MROH1: variants seen among roughly 807,000 people sequenced by gnomAD.
MROH1 encodes the protein maestro heat-like repeat-containing protein family member 1.
MROH1 carries 117 observed loss-of-function variants against 116.5 expected under a neutral mutation model. The observed-to-expected ratio is 1.00, with a 90% CI of 0.86 to 1.17. The LOEUF (loss-of-function observed/expected upper bound fraction) is 1.17. Ranked by LOEUF, MROH1 falls within the 50% of genes most tolerant of loss-of-function variation. MROH1 has a pLI of 0.00. For synonymous variants in MROH1, 921 were observed against 583.9 expected, an observed-to-expected ratio of 1.58 and a Z score of -8.32; for missense variants, 1,873 against 1,338.5, an observed-to-expected ratio of 1.40 and a Z score of -6.23.
At position 144,213,138 on chromosome 8, in the gene MROH1, C is replaced by A. The variant is rs187094089; in HGVS notation, c.1142-7462C>A. 2.5e-5 allele frequency: 19 copies of A among 764,082 alleles called. No individual in the cohort carries two copies. The East Asian group carries it at 4.4e-4, about 18-fold the overall frequency. 47.3% of individuals were successfully genotyped at this position (764,082 alleles called of 1,614,324 possible). ...GTTGCTTGAGTCACCACGGCTGTTA[C>A]ATCCCGTGCTCTCCCTTCTCTGCCT... On this transcript the variant is annotated intron_variant, in intron 12 of 43. Transcript: ENST00000326134.
chr8:144,248,098 A>G (rs1034400059), intron 31 of MROH1, among the ~76,000 whole-genome samples: 326 of 152,328 alleles, frequency 2.1e-3, no homozygotes, highest in Admixed American at 3.4e-3. Context: ...GGCTAGGGTC[A>G]TCGCCTGCAG....
chr8:144,219,016 T>TTTGTTG (rs1554817553), intron 12 of MROH1, among the ~76,000 whole-genome samples: 3 of 144,156 alleles, frequency 2.1e-5, no homozygotes, highest in African/African-American at 7.9e-5. Context: ...TGTGTTTTTT[T>TTTGTTG]TTGTTGTTGT....
At chr8:144,151,841 ACACGCCCTG>A (rs1440705033) in intron 1 of MROH1, among the ~76,000 whole-genome samples, 1 of 152,166 alleles carries the variant, frequency 6.6e-6, no homozygotes, top group Non-Finnish European at 1.5e-5. Flanking sequence ...CACCAACGTC[ACACGCCCTG>A]CGACGGGGAC....
At chr8:144,224,409 G>A (rs1837399909) in intron 14 of MROH1, among the ~76,000 whole-genome samples, 1 of 152,068 alleles carries the variant, frequency 6.6e-6, no homozygotes, top group Non-Finnish European at 1.5e-5. Flanking sequence ...TGGGACTACA[G>A]GCTCATGCCA....
At chr8:144,241,255 G>C in intron 21 of MROH1, 140 bp from the exon 22 acceptor site, 1 of 690,264 alleles carries the variant, frequency 1.4e-6, no homozygotes, top group Non-Finnish European at 2.7e-6. Context: ...ATGCAGAGAG[G>C]GTGTGTGCAT....
Position 144,242,990 on chromosome 8 carries a change from G to A in MROH1, c.2352+362G>A, listed in dbSNP as rs1841283893. On this transcript the variant is annotated intron_variant, in intron 24 of 43. Coordinates refer to ENST00000326134, the MANE Select transcript of MROH1 (RefSeq NM_032450.3). ...GACCCCAGTGAGCACCTAGGAGAGG[G>A]GCCAAGGCCCAAAGCCAGTGGAAGT... is the stretch of plus-strand genomic sequence containing the variant. Among the ~76,000 whole-genome samples, 4 of 152,340 alleles carry A rather than the reference G, an allele frequency of 2.6e-5. No individual in the cohort carries two copies. In the South Asian group the frequency reaches 8.3e-4, roughly 32 times the overall value.
In MROH1 at chr8:144,242,634, G is replaced by T; in HGVS notation, c.2352+6G>T. ...GAATAAAGGTAGAAACCAAGGTACA[G>T]TGTGTAGGAATTAAGTGCTGGACTG... On this transcript the variant is annotated splice_donor_region_variant and intron_variant, in intron 24 of 43. Transcript: ENST00000326134. 1 of 779,838 alleles carries T rather than the reference G, an allele frequency of 1.3e-6. No individual in the cohort carries two copies. Among genetic ancestry groups the T allele is most frequent in the South Asian group, 1.3e-5 (1 of 74,510 alleles). 48.3% of individuals were successfully genotyped at this position (779,838 alleles called of 1,614,324 possible). A position where few individuals can be genotyped will look rare whatever the true frequency, so the allele number is the denominator to read the frequency against.
chr8:144,238,853 G>T lies in MROH1; in HGVS notation c.1436G>T (p.Arg479Met). 1.3e-6 allele frequency: 1 copy of T among 774,142 alleles called. No individual in the cohort carries two copies. The highest frequency in any genetic ancestry group is 2.4e-5 in the East Asian group (1 of 41,250). 48.0% of individuals were successfully genotyped at this position (774,142 alleles called of 1,614,324 possible). Residue 479 changes from arginine (R) to methionine (M), a missense_variant, in exon 15 of 44, where the codon AGG becomes ATG. Coordinates refer to ENST00000326134, the MANE Select transcript of MROH1 (RefSeq NM_032450.3). ...TLYLVSTTVD[R>M]MSHVLWPYLL... ...TACCTGGTCAGCACCACCGTGGACA[G>T]GATGAGTCACGTGAGTGCACGGCAC...
chr8:144,255,849 C>T, intron 35 of MROH1, 144 bp downstream of exon 35: 1 of 633,568 alleles, frequency 1.6e-6, no homozygotes. Flanking sequence ...GCGCCTCACC[C>T]AGGTGCAGGG....
At chr8:144,186,734 G>A (rs1426538072) in intron 7 of MROH1, among the ~76,000 whole-genome samples, 1 of 152,238 alleles carries the variant, frequency 6.6e-6, no homozygotes, top group African/African-American at 2.4e-5. Context: ...GGGAGGGTGG[G>A]CCCTCACACT....
In MROH1 at chr8:144,188,656, C is replaced by CG. The variant is rs562490822; in HGVS notation, c.563-2124dup. 4.7e-4 allele frequency among the ~76,000 whole-genome samples: 72 copies of CG among 151,952 alleles called. 1 individual carries two copies. The East Asian group carries it at 0.013, about 27-fold the overall frequency. ...TAATTTTTTGTATTTTTAGTACAGA[C>CG]GGGGTGTCAACATGTTGCCCAGGAT... On this transcript the variant is annotated intron_variant, in intron 7 of 43. Coordinates refer to ENST00000326134, the MANE Select transcript of MROH1 (RefSeq NM_032450.3).
chr8:144,154,621 A>G (rs1817606691), intron 1 of MROH1, among the ~76,000 whole-genome samples: 1 of 148,884 alleles, frequency 6.7e-6, no homozygotes, highest in Non-Finnish European at 1.5e-5. Context: ...GTAGTTCAGT[A>G]TGTGCTACAC....
intron 33 of MROH1, chr8:144,251,380 A>T (rs1842820983): frequency 6.6e-6 from 1 of 152,200 alleles, no homozygotes; most frequent in African/African-American, 2.4e-5. Flanking sequence ...ATCCACTGTC[A>T]TATCTTTTGC....
intron 10 of MROH1, among the ~76,000 whole-genome samples, chr8:144,196,052 A>G (rs1829814015): frequency 6.6e-6 from 1 of 151,992 alleles, no homozygotes; most frequent in African/African-American, 2.4e-5. Flanking sequence ...GCACTTTGGG[A>G]GGCCGAGGCG....
intron 3 of MROH1, among the ~76,000 whole-genome samples, chr8:144,167,249 GT>G (rs1330077364): frequency 4.2e-5 from 6 of 142,106 alleles, no homozygotes; most frequent in African/African-American, 5.3e-5. Context: ...GTGGCCGGTT[GT>G]TGGGGTGGAG....
At chr8:144,241,575 CAG>C (rs1403410339) in intron 22 of MROH1, 58 bp downstream of exon 22, 31 of 775,090 alleles carry the variant, frequency 4.0e-5, no homozygotes, top group African/African-American at 3.6e-4. Flanking sequence ...GTTTGAGGCT[CAG>C]GGGGTGCCCT....
chr8:144,250,119 C>A, intron 32 of MROH1, 93 bp from the exon 33 acceptor site: 1 of 704,432 alleles, frequency 1.4e-6, no homozygotes, highest in Non-Finnish European at 2.6e-6. Context: ...TCTCATGGGG[C>A]TCCCTCATGG....
Position 144,254,932 on chromosome 8 carries a change from T to C in MROH1, c.3548T>C (p.Leu1183Pro). 2.6e-6 allele frequency: 2 copies of C among 775,964 alleles called. No homozygotes were observed. Among genetic ancestry groups the C allele is most frequent in the South Asian group, 2.7e-5 (2 of 74,048 alleles). 48.1% of individuals were successfully genotyped at this position (775,964 alleles called of 1,614,324 possible). Residue 1183 changes from leucine (L) to proline (P), a missense_variant, in exon 34 of 44, where the codon CTG (leucine) becomes CCG (proline). Transcript: ENST00000326134. Reference sequence around the variant, plus strand: ...CCTTTCAAGGAGAGCCGGGCCTTCCTGCTGGGCCGCACCCCAGACCGCGTG... The same window carrying C: ...CCTTTCAAGGAGAGCCGGGCCTTCCCGCTGGGCCGCACCCCAGACCGCGTG... ...DVPFKESRAF[L>P]LGRTPDRVAT...
intron 1 of MROH1, among the ~76,000 whole-genome samples, chr8:144,152,566 T>G (rs968438781): frequency 6.6e-5 from 10 of 150,994 alleles, no homozygotes; most frequent in Admixed American, 2.0e-4. Flanking sequence ...TTTTTTTTTT[T>G]GAGACAGTCT....
Sources: allele counts gnomAD v4.1 joint callset (sites outside exome capture counted in the v4.1 genomes callset), GRCh38; gene constraint gnomAD v4.1.1; transcripts MANE v1.5; gene names NCBI Gene and HGNC (gene_info 2026-07-23, HGNC 2026-07-21).